Variants in UBE2V2 observed in about 807,000 individuals in gnomAD.
The protein encoded by UBE2V2 is ubiquitin conjugating enzyme E2 V2.
Under a neutral mutation model 17.2 loss-of-function variants are expected in UBE2V2, and 9 were observed. That is an observed-to-expected ratio of 0.52 (90% CI 0.32 to 0.91). The LOEUF is 0.91. UBE2V2 is among the 40% of genes least tolerant of loss of function. UBE2V2 has a pLI of 0.04. For synonymous variants in UBE2V2, 61 were observed against 57.5 expected, an observed-to-expected ratio of 1.06 and a Z score of -0.28; for missense variants, 133 against 182.6, an observed-to-expected ratio of 0.73 and a Z score of 1.56.
rs538491437 is a variant in UBE2V2, at chr8:48,061,966, T to G, written c.*1138T>G. The stretch of plus-strand genomic sequence containing the variant: ...GGTCAACTAATTGGAGACTTTTCTC[T>G]TCCAATTAGGGCTTTTAATACTAAC... On this transcript the variant is annotated 3_prime_UTR_variant, in exon 4 of 4. Transcript: ENST00000523111. The G allele has an allele frequency of 1.3e-5, 2 of 152,320 alleles. No homozygotes were observed. The highest frequency in any genetic ancestry group is 4.8e-5 in the African/African-American group (2 of 41,570). 9.4% of individuals were successfully genotyped at this position (152,320 alleles called of 1,614,324 possible).
At chr8:48,039,880 C>A (rs1272358066) in intron 1 of UBE2V2, among the ~76,000 whole-genome samples, 1 of 151,992 alleles carries the variant, frequency 6.6e-6, no homozygotes, top group Non-Finnish European at 1.5e-5. Flanking sequence ...CATGTGCCAG[C>A]TACCACACCT....
chr8:48,019,109 G>A (rs549295401), intron 1 of UBE2V2, among the ~76,000 whole-genome samples: 2 of 152,256 alleles, frequency 1.3e-5, no homozygotes, highest in African/African-American at 2.4e-5. Flanking sequence ...GCTCACACCT[G>A]TAATCCCAGC....
intron 1 of UBE2V2, among the ~76,000 whole-genome samples, chr8:48,008,950 T>C (rs978601921): frequency 6.6e-6 from 1 of 152,148 alleles, no homozygotes; most frequent in African/African-American, 2.4e-5. Flanking sequence ...GGACGATTGC[T>C]CCTTAAAATA....
intron 1 of UBE2V2, among the ~76,000 whole-genome samples, chr8:48,040,844 G>GTTTTTTTTTTTTT (rs71225699): frequency 6.7e-5 from 5 of 74,126 alleles, no homozygotes; most frequent in Non-Finnish European, 7.1e-5. Context: ...GCCAGGCTGG[G>GTTTTTTTTTTTTT]TTTTTTTTTT....
chr8:48,059,674 A>G (rs1240409339), intron 3 of UBE2V2, among the ~76,000 whole-genome samples: 1 of 151,582 alleles, frequency 6.6e-6, no homozygotes, highest in Non-Finnish European at 1.5e-5. Flanking sequence ...GCCTCCCAAA[A>G]CGTTGGGATT....
intron 1 of UBE2V2, among the ~76,000 whole-genome samples, chr8:48,036,625 C>T (rs1389447806): frequency 2.0e-5 from 3 of 151,292 alleles, no homozygotes; most frequent in Middle Eastern, 3.2e-3. Flanking sequence ...AGGCTAGAGA[C>T]GGGGTTTCAT....
chr8:48,034,193 C>T (rs2091404292), intron 1 of UBE2V2, among the ~76,000 whole-genome samples: 2 of 146,820 alleles, frequency 1.4e-5, no homozygotes, highest in Middle Eastern at 3.5e-3. Context: ...GCCATCTTGG[C>T]TCACTGCATC....
chr8:48,059,575 A>G (rs940875388), intron 3 of UBE2V2, among the ~76,000 whole-genome samples: 1 of 151,560 alleles, frequency 6.6e-6, no homozygotes, highest in African/African-American at 2.4e-5. Flanking sequence ...CACCTGGCTA[A>G]TTTTTGTATT....
At chr8:48,038,723 C>T (rs572821546) in intron 1 of UBE2V2, among the ~76,000 whole-genome samples, 16 of 152,010 alleles carry the variant, frequency 1.1e-4, no homozygotes, top group African/African-American at 1.4e-4. Context: ...TCAAATGATC[C>T]GCCTGCCTCA....
upstream of UBE2V2, chr8:48,008,324 T>C (rs749280631): frequency 7.2e-6 from 9 of 1,255,836 alleles, no homozygotes; most frequent in African/African-American, 6.4e-5. Context: ...ACGTGCGCGC[T>C]GTCCCTCGGG....
chr8:48,029,614 A>G (rs2091369405), intron 1 of UBE2V2, among the ~76,000 whole-genome samples: 1 of 152,212 alleles, frequency 6.6e-6, no homozygotes, highest in South Asian at 2.1e-4. Context: ...ATGGATTGGA[A>G]TGTTCTTGAA....
intron 1 of UBE2V2, among the ~76,000 whole-genome samples, chr8:48,028,368 C>A (rs186898630): frequency 2.9e-5 from 4 of 136,220 alleles, no homozygotes; most frequent in Admixed American, 1.5e-4. Context: ...GACAGAGTTT[C>A]GTTCTCGTTG....
At chr8:48,035,655 G>GTGTGTATA (rs2091418681) in intron 1 of UBE2V2, among the ~76,000 whole-genome samples, 2 of 133,292 alleles carry the variant, frequency 1.5e-5, no homozygotes, top group Admixed American at 1.5e-4. Context: ...GTGTGTGTGT[G>GTGTGTATA]TGTGTATATG....
chr8:48,046,811 G>A (rs1005506469), intron 2 of UBE2V2, among the ~76,000 whole-genome samples: 1 of 151,258 alleles, frequency 6.6e-6, no homozygotes, highest in Non-Finnish European at 1.5e-5. Flanking sequence ...GTGTTGCCCA[G>A]ACGGGTCTCA....
At chr8:48,049,781 T>C (rs536771508) in intron 2 of UBE2V2, 72 bp from the exon 3 acceptor site, 189 of 1,395,226 alleles carry the variant, frequency 1.4e-4, no homozygotes, top group Non-Finnish European at 1.8e-4. Flanking sequence ...TTCCCTTTTT[T>C]TTTTTTAGCA....
At chr8:48,059,928 G>A (rs1368114997) in intron 3 of UBE2V2, among the ~76,000 whole-genome samples, 6 of 152,168 alleles carry the variant, frequency 3.9e-5, no homozygotes, top group South Asian at 2.1e-4. Context: ...AATTTGGGTC[G>A]GGTGCCGTGG....
chr8:48,000,821 C>CAAAA, the UBE2V2 span, among the ~76,000 whole-genome samples: 8 of 20,482 alleles, frequency 3.9e-4, no homozygotes, highest in Non-Finnish European at 8.7e-4. Flanking sequence ...GACTTTGCCT[C>CAAAA]AAAAAAAAAA....
At chr8:48,023,428 C>T (rs1050305836) in intron 1 of UBE2V2, among the ~76,000 whole-genome samples, 2 of 151,786 alleles carry the variant, frequency 1.3e-5, no homozygotes, top group Non-Finnish European at 2.9e-5. Context: ...GTTTGCCAGG[C>T]TGGTCTTGAA....
rs1480479404 is a variant in UBE2V2, at chr8:48,064,205, GTA to G, written c.*3379_*3380del. On this transcript the variant is annotated 3_prime_UTR_variant, in exon 4 of 4. Coordinates refer to ENST00000523111, the MANE Select transcript of UBE2V2 (RefSeq NM_003350.3). ...TTTATAGTATGCTTTTTAGGCATCT[GTA>G]TGTGTAATATCATAGTATCATTTAT... 3 of 152,172 alleles carry G rather than the reference GTA, an allele frequency of 2.0e-5. No homozygotes were observed. The highest frequency in any genetic ancestry group is 2.0e-4 in the Admixed American group (3 of 15,274). The allele number at this position is 152,172 out of a possible 1,614,324, so 9.4% of individuals were successfully genotyped here. A position where few individuals can be genotyped will look rare whatever the true frequency, so the allele number is the denominator to read the frequency against.
Sources: allele counts gnomAD v4.1 joint callset (sites outside exome capture counted in the v4.1 genomes callset), GRCh38; gene constraint gnomAD v4.1.1; transcripts MANE v1.5; gene names NCBI Gene and HGNC (gene_info 2026-07-23, HGNC 2026-07-21).